The following SPACDR variants were observed in gnomAD, a reference collection of about 807,000 sequenced individuals.
The protein encoded by SPACDR is uncharacterized protein C7orf61.
At chr7:100,461,125 C>G in the SPACDR span, among the ~76,000 whole-genome samples, 3 of 152,086 alleles carry the variant, frequency 2.0e-5, no homozygotes, top group Non-Finnish European at 4.4e-5. Context: ...ACTGTATTGC[C>G]CAGGCTGGAG....
chr7:100,457,841 G>GTGTGTGTGTGTATA, the SPACDR span, among the ~76,000 whole-genome samples: 3 of 85,076 alleles, frequency 3.5e-5, no homozygotes, highest in East Asian at 7.9e-4. Flanking sequence ...GTGTGTGTGT[G>GTGTGTGTGTGTATA]TATATATATA....
At chr7:100,461,924 C>T in the SPACDR span, among the ~76,000 whole-genome samples, 3 of 144,248 alleles carry the variant, frequency 2.1e-5, no homozygotes, top group Non-Finnish European at 3.0e-5. Context: ...ACCCAGGAGG[C>T]GGAGCTTGCA....
chr7:100,461,124 C>T, the SPACDR span, among the ~76,000 whole-genome samples: 1 of 152,144 alleles, frequency 6.6e-6, no homozygotes, highest in Non-Finnish European at 1.5e-5. Flanking sequence ...CACTGTATTG[C>T]CCAGGCTGGA....
the SPACDR span, among the ~76,000 whole-genome samples, chr7:100,459,160 C>T: frequency 2.4e-4 from 35 of 147,194 alleles, no homozygotes; most frequent in South Asian, 1.1e-3. Flanking sequence ...CCTGCCACCA[C>T]GCCTGGCTAA....
the SPACDR span, chr7:100,463,377 T>A: frequency 2.5e-6 from 4 of 1,595,282 alleles, no homozygotes; most frequent in African/African-American, 4.0e-5. Flanking sequence ...CAGCTGCACA[T>A]CTGCCAGCCG....
chr7:100,457,857 A>AT, the SPACDR span, among the ~76,000 whole-genome samples: 219 of 88,302 alleles, frequency 2.5e-3, 3 homozygotes, highest in Middle Eastern at 0.015. Flanking sequence ...ATATATATAT[A>AT]TTTTTTTTTT....
chr7:100,457,699 C>T, the SPACDR span, among the ~76,000 whole-genome samples: 1 of 146,794 alleles, frequency 6.8e-6, no homozygotes, highest in Non-Finnish European at 1.5e-5. Context: ...CAGCTCACTG[C>T]AACCTCCACC....
chr7:100,462,783 G>A, the SPACDR span, among the ~76,000 whole-genome samples: 38 of 149,148 alleles, frequency 2.5e-4, no homozygotes, highest in Non-Finnish European at 1.6e-4. Flanking sequence ...AAAGTGCTGG[G>A]ACTATAGGCA....
chr7:100,462,192 G>A, the SPACDR span, among the ~76,000 whole-genome samples: 859 of 152,124 alleles, frequency 5.6e-3, 4 homozygotes, highest in Middle Eastern at 0.024. Flanking sequence ...TTTGGTGGAC[G>A]CATAGGAAAT....
chr7:100,461,986 CA>C, the SPACDR span, among the ~76,000 whole-genome samples: 16,679 of 59,892 alleles, frequency 0.28, 944 homozygotes, highest in Non-Finnish European at 0.3. Flanking sequence ...GACTCCGTCT[CA>C]AAAAAAAAAA....
At chr7:100,463,303 G>T in the SPACDR span, 1 of 1,347,600 alleles carries the variant, frequency 7.4e-7, no homozygotes, top group South Asian at 1.4e-5. Context: ...AGTAATCAGA[G>T]GGAGGGGTGA....
chr7:100,462,654 A>G, the SPACDR span, among the ~76,000 whole-genome samples: 1 of 151,588 alleles, frequency 6.6e-6, no homozygotes, highest in Non-Finnish European at 1.5e-5. Context: ...GTAGCTGGAA[A>G]TACAGGCACC....
At chr7:100,464,122 C>T in the SPACDR span, 1 of 1,543,058 alleles carries the variant, frequency 6.5e-7, no homozygotes, top group South Asian at 1.2e-5. Context: ...GGGCCGGTGA[C>T]CACCTCTTGA....
chr7:100,462,235 A>G, the SPACDR span, among the ~76,000 whole-genome samples: 2 of 151,972 alleles, frequency 1.3e-5, no homozygotes, highest in African/African-American at 4.8e-5. Flanking sequence ...TTTTTTTGAG[A>G]TGGAGTCTCG....
At chr7:100,457,841 G>GTGTGTGTGTGTA in the SPACDR span, among the ~76,000 whole-genome samples, 183 of 85,028 alleles carry the variant, frequency 2.2e-3, 1 homozygote, top group East Asian at 8.7e-3. Flanking sequence ...GTGTGTGTGT[G>GTGTGTGTGTGTA]TATATATATA....
At chr7:100,457,799 ATATATG>A in the SPACDR span, among the ~76,000 whole-genome samples, 134 of 45,806 alleles carry the variant, frequency 2.9e-3, 2 homozygotes, top group African/African-American at 0.011. Context: ...TTTTATATAT[ATATATG>A]TGTGTGTGTG....
the SPACDR span, chr7:100,463,739 C>T: frequency 6.8e-7 from 1 of 1,479,396 alleles, no homozygotes; most frequent in East Asian, 2.3e-5. Context: ...AGGGCAGAGA[C>T]AACACCATCC....
At chr7:100,462,245 G>A in the SPACDR span, among the ~76,000 whole-genome samples, 2 of 151,890 alleles carry the variant, frequency 1.3e-5, no homozygotes, top group Admixed American at 6.6e-5. Context: ...ATGGAGTCTC[G>A]CTCTGTCGCC....
chr7:100,463,556 T>C, the SPACDR span: 1 of 1,613,982 alleles, frequency 6.2e-7, no homozygotes, highest in Middle Eastern at 1.6e-4. Flanking sequence ...GGGCTTAGCC[T>C]CTTTTGGGAG....
Sources: allele counts gnomAD v4.1 joint callset (sites outside exome capture counted in the v4.1 genomes callset), GRCh38; gene constraint gnomAD v4.1.1; transcripts MANE v1.5; gene names NCBI Gene and HGNC (gene_info 2026-07-23, HGNC 2026-07-21).